Variants in CCSER1 observed in about 807,000 individuals in gnomAD.
CCSER1 encodes coiled-coil serine rich protein 1.
Under a neutral mutation model 82.0 loss-of-function variants are expected in CCSER1, and 41 were observed. The ratio of observed to expected loss-of-function variants is 0.50; its 90% CI spans 0.39 to 0.65. The LOEUF (loss-of-function observed/expected upper bound fraction) is 0.65, where lower values mean the gene tolerates loss of function less well. Among genes scored for constraint, CCSER1 ranks in the 30% least tolerant of loss-of-function variants. The probability of loss-of-function intolerance (pLI) is 0.00; values close to 1 mark genes in which losing one functional copy is unlikely to be tolerated. For missense variants in CCSER1, 1,119 were observed against 1,064.2 expected (o/e 1.05, Z -0.72); for synonymous variants, 414 against 383.9 (o/e 1.08, Z -0.92).
intron 8 of CCSER1, among the ~76,000 whole-genome samples, chr4:90,832,817 ATTAT>A (rs943473288): frequency 1.3e-5 from 2 of 152,204 alleles, no homozygotes; most frequent in Admixed American, 6.5e-5. Flanking sequence ...AAATTGCAAC[ATTAT>A]TTATAGTGTT....
intron 9 of CCSER1, among the ~76,000 whole-genome samples, chr4:90,972,480 T>G (rs143195251): frequency 1.2e-3 from 176 of 151,724 alleles, no homozygotes; most frequent in Non-Finnish European, 2.0e-3. Context: ...AAGTGAAAGA[T>G]CTGTGCACTT....
chr4:90,922,576 T>G (rs1388775365), intron 8 of CCSER1, among the ~76,000 whole-genome samples: 7 of 152,130 alleles, frequency 4.6e-5, no homozygotes, highest in African/African-American at 4.8e-5. Context: ...TCAAGTTACT[T>G]AAACTTCCTA....
intron 10 of CCSER1, among the ~76,000 whole-genome samples, chr4:91,191,006 A>G (rs191835018): frequency 2.0e-5 from 3 of 152,362 alleles, no homozygotes; most frequent in East Asian, 3.9e-4. Flanking sequence ...TGTCTGAAAC[A>G]TAATGGATGC....
At chr4:90,596,282 T>A (rs1343643756) in intron 5 of CCSER1, among the ~76,000 whole-genome samples, 1 of 151,960 alleles carries the variant, frequency 6.6e-6, no homozygotes, top group Non-Finnish European at 1.5e-5. Flanking sequence ...ATCATTTATG[T>A]TAATTATATA....
At chr4:90,233,845 A>G (rs1249201540) in intron 1 of CCSER1, among the ~76,000 whole-genome samples, 1 of 152,044 alleles carries the variant, frequency 6.6e-6, no homozygotes, top group Non-Finnish European at 1.5e-5. Flanking sequence ...ATGCACTGAG[A>G]TCTTGGATAA....
chr4:91,208,442 A>T (rs1039307073), intron 10 of CCSER1, among the ~76,000 whole-genome samples: 11 of 151,806 alleles, frequency 7.2e-5, no homozygotes, highest in African/African-American at 2.7e-4. Flanking sequence ...ACTCTTCTAC[A>T]TATGATAGCC....
chr4:90,714,989 A>T (rs1006879014), intron 6 of CCSER1, among the ~76,000 whole-genome samples: 5 of 151,856 alleles, frequency 3.3e-5, no homozygotes, highest in African/African-American at 4.8e-5. Flanking sequence ...AAGTGCCCTG[A>T]TTCTGAATGA....
chr4:90,193,893 CG>C (rs1736115761), intron 1 of CCSER1, among the ~76,000 whole-genome samples: 1 of 151,960 alleles, frequency 6.6e-6, no homozygotes, highest in Admixed American at 6.6e-5. Context: ...ATTTTGAAAT[CG>C]GGGACTTTGA....
chr4:91,001,881 G>A (rs1738071585), intron 9 of CCSER1, among the ~76,000 whole-genome samples: 1 of 152,114 alleles, frequency 6.6e-6, no homozygotes, highest in Non-Finnish European at 1.5e-5. Context: ...AAGAGGTTCT[G>A]TTTTGATGCG....
intron 5 of CCSER1, among the ~76,000 whole-genome samples, chr4:90,567,638 C>T (rs1224353290): frequency 3.6e-5 from 5 of 137,416 alleles, no homozygotes; most frequent in African/African-American, 1.4e-4. Context: ...CAAGGTCTTA[C>T]TCTGTCACCC....
intron 1 of CCSER1, 94 bp from the exon 2 acceptor site, chr4:90,308,150 T>C: frequency 1.0e-6 from 1 of 957,286 alleles, no homozygotes; most frequent in East Asian, 2.7e-5. Flanking sequence ...AACTAAATTC[T>C]ATTTTGTGTC....
chr4:90,605,764 C>G (rs192072197), intron 5 of CCSER1, among the ~76,000 whole-genome samples: 13 of 151,904 alleles, frequency 8.6e-5, no homozygotes, highest in Non-Finnish European at 1.3e-4. Flanking sequence ...TTTTTGACTT[C>G]TTAGTGCCAG....
At chr4:90,839,338 T>C (rs1762270755) in intron 8 of CCSER1, among the ~76,000 whole-genome samples, 1 of 152,238 alleles carries the variant, frequency 6.6e-6, no homozygotes, top group Non-Finnish European at 1.5e-5. Context: ...AAGCAGAGCA[T>C]GTTTCAGTAA....
At chr4:91,546,684 C>T (rs548850701) in intron 10 of CCSER1, among the ~76,000 whole-genome samples, 136 of 152,030 alleles carry the variant, frequency 8.9e-4, no homozygotes, top group African/African-American at 3.3e-3. Flanking sequence ...ATAAAATCAG[C>T]TTTTTGTTTC....
intron 7 of CCSER1, among the ~76,000 whole-genome samples, chr4:90,756,182 C>T (rs976862726): frequency 1.5e-4 from 23 of 152,146 alleles, no homozygotes; most frequent in African/African-American, 4.1e-4. Flanking sequence ...GAGCTGAGAT[C>T]GTTCTACTGC....
intron 5 of CCSER1, among the ~76,000 whole-genome samples, chr4:90,607,547 C>G (rs1464671499): frequency 1.3e-5 from 2 of 152,134 alleles, no homozygotes; most frequent in Non-Finnish European, 2.9e-5. Context: ...ATAGAAGCAT[C>G]ACCCTGATTT....
At chr4:90,714,124 C>T (rs561970481) in intron 6 of CCSER1, among the ~76,000 whole-genome samples, 70 of 152,032 alleles carry the variant, frequency 4.6e-4, no homozygotes, top group Middle Eastern at 3.4e-3. Flanking sequence ...TGCTTCTATT[C>T]GGCCATCTTG....
chr4:90,847,748 A>G (rs1373444012), intron 8 of CCSER1, among the ~76,000 whole-genome samples: 1 of 152,186 alleles, frequency 6.6e-6, no homozygotes. Context: ...CAAATCAAAT[A>G]CGCACTGTGA....
At chr4:91,060,157 T>A (rs573880502) in intron 9 of CCSER1, among the ~76,000 whole-genome samples, 3 of 152,070 alleles carry the variant, frequency 2.0e-5, no homozygotes, top group African/African-American at 7.2e-5. Context: ...AAATTCCTCA[T>A]GAACTATTGA....
Sources: allele counts gnomAD v4.1 joint callset (sites outside exome capture counted in the v4.1 genomes callset), GRCh38; gene constraint gnomAD v4.1.1; transcripts MANE v1.5; gene names NCBI Gene and HGNC (gene_info 2026-07-23, HGNC 2026-07-21).